The following REST variants were observed in gnomAD, a reference collection of about 807,000 sequenced individuals.
REST encodes the protein RE1 silencing transcription factor, also known as RE1-silencing transcription factor.
In REST, 1 loss-of-function variant was observed where a neutral mutation model predicts 30.4. That is an observed-to-expected ratio of 0.03 (90% CI 0.01 to 0.16). The LOEUF is 0.16. REST is among the 10% of genes least tolerant of loss of function. The pLI, the probability that REST is intolerant of heterozygous loss-of-function variation, is 1.00. For synonymous variants in REST, 504 were observed against 451.1 expected, an observed-to-expected ratio of 1.12 and a Z score of -1.49; for missense variants, 1,259 against 1,329.5, an observed-to-expected ratio of 0.95 and a Z score of 0.82.
intron 3 of REST, among the ~76,000 whole-genome samples, chr4:56,929,395 C>A (rs1004284745): frequency 1.3e-5 from 2 of 152,188 alleles, no homozygotes; most frequent in Non-Finnish European, 2.9e-5. Flanking sequence ...TCAAGCAGTC[C>A]TTCTGCCATG....
intron 3 of REST, chr4:56,920,104 T>C: frequency 3.1e-6 from 1 of 322,886 alleles, no homozygotes; most frequent in East Asian, 5.0e-5. Context: ...GGGGCCTTAA[T>C]TCTCATCAAA....
chr4:56,908,524 C>T (rs1444205518), intron 1 of REST, among the ~76,000 whole-genome samples: 1 of 151,978 alleles, frequency 6.6e-6, no homozygotes, highest in East Asian at 1.9e-4. Flanking sequence ...CGAGTCAGGT[C>T]CTTTGAGGCC....
intron 3 of REST, among the ~76,000 whole-genome samples, chr4:56,920,179 T>G (rs181519246): frequency 1.4e-4 from 21 of 152,094 alleles, no homozygotes; most frequent in African/African-American, 5.1e-4. Context: ...GATTGATCTT[T>G]TAACCCCTAC....
At chr4:56,914,919 TA>T (rs1720111335) in intron 2 of REST, among the ~76,000 whole-genome samples, 3 of 93,378 alleles carry the variant, frequency 3.2e-5, no homozygotes, top group Non-Finnish European at 4.5e-5. Context: ...TTTTTTTTTT[TA>T]ACTTTTTTTT....
chr4:56,916,241 A>G (rs1720188940), intron 2 of REST, among the ~76,000 whole-genome samples: 1 of 152,250 alleles, frequency 6.6e-6, no homozygotes, highest in African/African-American at 2.4e-5. Context: ...TTGTTCACAA[A>G]ATCTACTTTT....
At chr4:56,915,471 A>C (rs1720153905) in intron 2 of REST, among the ~76,000 whole-genome samples, 1 of 149,814 alleles carries the variant, frequency 6.7e-6, no homozygotes, top group South Asian at 2.1e-4. Flanking sequence ...GCTGGTCTCG[A>C]CCTCCTGACC....
chr4:56,935,844 A>G lies in REST; in HGVS notation c.*3692A>G, dbSNP rs1405768998. ...ATGTTGAAATAAAGTTTTAAAAACC[A>G]TGATGCCTTTGTTTATTATTGGTAT... On this transcript the variant is annotated 3_prime_UTR_variant, in exon 4 of 4. Coordinates refer to ENST00000309042, the MANE Select transcript of REST (RefSeq NM_005612.5). 3 of 152,248 alleles carry G rather than the reference A, an allele frequency of 2.0e-5. No individual in the cohort carries two copies. The highest frequency in any genetic ancestry group is 4.4e-5 in the Non-Finnish European group (3 of 68,048). The allele number at this position is 152,248 out of a possible 1,614,324, so 9.4% of individuals were successfully genotyped here. A position where few individuals can be genotyped will look rare whatever the true frequency, so the allele number is the denominator to read the frequency against.
At chr4:56,920,053 T>C in intron 3 of REST, 183 bp downstream of exon 3, 1 of 384,926 alleles carries the variant, frequency 2.6e-6, no homozygotes, top group Non-Finnish European at 4.6e-6. Context: ...AAGGTGGACC[T>C]CCTGAAAATG....
chr4:56,912,508 C>T (rs562728149), intron 2 of REST, among the ~76,000 whole-genome samples: 3 of 151,426 alleles, frequency 2.0e-5, no homozygotes, highest in Admixed American at 6.6e-5. Context: ...CACCCACCAC[C>T]GTGCCTGGCT....
chr4:56,918,987 T>A lies in REST; in HGVS notation c.899-800T>A, dbSNP rs1167287974. Among the ~76,000 whole-genome samples, 4 of 151,488 alleles carry A rather than the reference T, an allele frequency of 2.6e-5. No homozygotes were observed. In the South Asian group the frequency reaches 8.3e-4, roughly 32 times the overall value. On this transcript the variant is annotated intron_variant, in intron 2 of 3. Transcript: ENST00000309042. ...TCCCCATGCTCAGCCCAGGCTATTT[T>A]TTTTTTTTTTTTAAACGAGATGAAG...
At position 56,910,809 on chromosome 4, in the gene REST, A is replaced by G. The variant is rs763866440; in HGVS notation, c.171A>G (p.Glu57=). ...IMLANVALTG[E]VNGSCCDYLV... ...TGGCAAATGTGGCCTTAACTGGGGA[A>G]GTAAATGGCAGCTGCTGTGATTACC... The change falls in exon 2 of 4, where the codon GAA becomes GAG. Residue 57 remains glutamate, a synonymous_variant. Transcript: ENST00000309042. The G allele has an allele frequency of 3.7e-5, 59 of 1,614,072 alleles. No homozygotes were observed. The highest frequency in any genetic ancestry group is 1.2e-4 in the Admixed American group (7 of 59,988).
chr4:56,921,760 A>G (rs1464762128), intron 3 of REST, among the ~76,000 whole-genome samples: 1 of 152,276 alleles, frequency 6.6e-6, no homozygotes, highest in Admixed American at 6.5e-5. Context: ...GAAGCAGGTT[A>G]GAGAAAAAAT....
At chr4:56,929,258 A>G (rs1720855838) in intron 3 of REST, among the ~76,000 whole-genome samples, 1 of 151,880 alleles carries the variant, frequency 6.6e-6, no homozygotes, top group East Asian at 1.9e-4. Context: ...TTTAGTAGAG[A>G]TGGGGTTTCA....
At chr4:56,917,869 G>A (rs778618157) in intron 2 of REST, among the ~76,000 whole-genome samples, 30 of 151,648 alleles carry the variant, frequency 2.0e-4, no homozygotes, top group Middle Eastern at 3.5e-3. Context: ...GGCTAACAAG[G>A]TGAAACCCCG....
intron 2 of REST, among the ~76,000 whole-genome samples, chr4:56,913,864 A>G (rs11730525): frequency 6.6e-6 from 1 of 151,812 alleles, no homozygotes; most frequent in African/African-American, 2.4e-5. Flanking sequence ...TGGCCAGGCT[A>G]GTCTCGAACT....
intron 3 of REST, among the ~76,000 whole-genome samples, chr4:56,928,300 G>T (rs1720802043): frequency 1.3e-5 from 2 of 152,178 alleles, no homozygotes; most frequent in South Asian, 2.1e-4. Context: ...TAGAAACAGG[G>T]TTTCACCATG....
At position 56,931,051 on chromosome 4, in the gene REST, G is replaced by A. The variant is rs766722655; in HGVS notation, c.2193G>A (p.Met731Ile). 4.3e-6 allele frequency: 7 copies of A among 1,613,740 alleles called. No homozygotes were observed. The East Asian group carries it at 1.1e-4, about 26-fold the overall frequency. ...MQVVQKEPVQ[M>I]ELSPPMEVVQ... is the part of the protein sequence containing the mutation. The stretch of plus-strand genomic sequence containing the variant: ...TGGTCCAGAAGGAGCCTGTTCAGAT[G>A]GAGCTGTCTCCTCCCATGGAGGTGG... The change falls in exon 4 of 4, where the codon ATG (methionine) becomes ATA (isoleucine). Residue 731 changes from methionine to isoleucine, a missense_variant. Coordinates refer to ENST00000309042, the MANE Select transcript of REST (RefSeq NM_005612.5).
At chr4:56,921,011 G>A (rs1200814072) in intron 3 of REST, among the ~76,000 whole-genome samples, 6 of 151,572 alleles carry the variant, frequency 4.0e-5, no homozygotes, top group South Asian at 4.2e-4. Context: ...GATTACAGGC[G>A]CGCACCACCA....
chr4:56,921,096 C>A (rs1055241285), intron 3 of REST, among the ~76,000 whole-genome samples: 2 of 152,090 alleles, frequency 1.3e-5, no homozygotes, highest in African/African-American at 4.8e-5. Flanking sequence ...GAACTCCTGA[C>A]CTCATGATCC....
Sources: allele counts gnomAD v4.1 joint callset (sites outside exome capture counted in the v4.1 genomes callset), GRCh38; gene constraint gnomAD v4.1.1; transcripts MANE v1.5; gene names NCBI Gene and HGNC (gene_info 2026-07-23, HGNC 2026-07-21).